CACNG2: variants seen among roughly 807,000 people sequenced by gnomAD.
CACNG2 encodes calcium voltage-gated channel auxiliary subunit gamma 2.
A neutral mutation model predicts 25.9 loss-of-function variants in CACNG2; 3 were observed. That is an observed-to-expected ratio of 0.12 (90% CI 0.05 to 0.30). The LOEUF (loss-of-function observed/expected upper bound fraction) is 0.30, where lower values mean the gene tolerates loss of function less well. Ranked by LOEUF, CACNG2 falls within the 10% of genes least tolerant of loss-of-function variation. CACNG2 has a pLI of 1.00. For synonymous variants in CACNG2, 167 were observed against 173.3 expected (o/e 0.96, Z 0.29); for missense variants, 341 against 432.5 (o/e 0.79, Z 1.88).
At chr22:36,650,754 A>T (rs1936598940) in intron 1 of CACNG2, among the ~76,000 whole-genome samples, 1 of 152,160 alleles carries the variant, frequency 6.6e-6, no homozygotes, top group South Asian at 2.1e-4. Flanking sequence ...TCCTGGCTTC[A>T]AGTGATCCTT....
chr22:36,574,396 G>T (rs1387073329), intron 2 of CACNG2, among the ~76,000 whole-genome samples: 1 of 152,170 alleles, frequency 6.6e-6, no homozygotes, highest in Non-Finnish European at 1.5e-5. Flanking sequence ...GGGTGGCGTT[G>T]AGGTTAACTT....
At chr22:36,576,790 G>T (rs952598774) in intron 2 of CACNG2, among the ~76,000 whole-genome samples, 1 of 152,178 alleles carries the variant, frequency 6.6e-6, no homozygotes, top group Non-Finnish European at 1.5e-5. Flanking sequence ...TCCCATCTGT[G>T]TGATGGGGAC....
chr22:36,691,910 G>C (rs758077766), intron 1 of CACNG2, among the ~76,000 whole-genome samples: 1 of 152,190 alleles, frequency 6.6e-6, no homozygotes, highest in Admixed American at 6.5e-5. Context: ...GAGGAAAATG[G>C]AGACAAGAGC....
At chr22:36,661,945 T>C (rs965408888) in intron 1 of CACNG2, among the ~76,000 whole-genome samples, 1 of 150,152 alleles carries the variant, frequency 6.7e-6, no homozygotes. Flanking sequence ...AGGTTCTGCT[T>C]CCTATGGACT....
At chr22:36,591,156 C>T (rs1350591586) in intron 1 of CACNG2, among the ~76,000 whole-genome samples, 1 of 152,004 alleles carries the variant, frequency 6.6e-6, no homozygotes, top group African/African-American at 2.4e-5. Context: ...CCTGCCTCAG[C>T]CTCCAGAGTA....
chr22:36,665,900 A>C (rs1467911216), intron 1 of CACNG2, among the ~76,000 whole-genome samples: 2 of 152,250 alleles, frequency 1.3e-5, no homozygotes, highest in Non-Finnish European at 2.9e-5. Flanking sequence ...CCTGGGTCTC[A>C]AGGAGATATT....
intron 1 of CACNG2, among the ~76,000 whole-genome samples, chr22:36,618,284 G>A (rs1201445832): frequency 6.6e-6 from 1 of 152,240 alleles, no homozygotes; most frequent in Non-Finnish European, 1.5e-5. Flanking sequence ...AGCCAAGTGT[G>A]CCTGCAGGGG....
At chr22:36,565,134 G>A (rs1216168623) in intron 3 of CACNG2, among the ~76,000 whole-genome samples, 1 of 152,234 alleles carries the variant, frequency 6.6e-6, no homozygotes, top group African/African-American at 2.4e-5. Flanking sequence ...GGCGGGAGAA[G>A]GGAGGCATTT....
chr22:36,564,311 G>A lies in CACNG2; in HGVS notation c.*40C>T, dbSNP rs1223770900. 7.9e-6 allele frequency: 12 copies of A among 1,519,060 alleles called. No individual in the cohort carries two copies. The highest frequency in any genetic ancestry group is 9.8e-6 in the Non-Finnish European group (11 of 1,122,598). The allele number at this position is 1,519,060 out of a possible 1,614,324, so 94.1% of individuals were successfully genotyped here. On this transcript the variant is annotated 3_prime_UTR_variant, in exon 4 of 4. Transcript: ENST00000300105. The surrounding 1 kb of genome is among the most constrained non-coding windows in gnomAD (Gnocchi z 6.7). ...CCGCCCCGCCCCGCCCCCGGGGACC[G>A]CGCCCTCCTCCCGCGGTCTTCTGGC...
Position 36,680,785 on chromosome 22 carries a change from C to T in CACNG2, c.211+21581G>A, listed in dbSNP as rs548380393. Among the ~76,000 whole-genome samples the T allele has an allele frequency of 1.0e-4, 15 of 146,786 alleles. No homozygotes were observed. The East Asian group carries it at 2.2e-3, about 22-fold the overall frequency. On this transcript the variant is annotated intron_variant, in intron 1 of 3. Transcript: ENST00000300105. ...TCATCACCACCATCTTTATCACAAC[C>T]GTTATTGTCACCATCAATCACCACC... is the stretch of plus-strand genomic sequence containing the variant.
chr22:36,564,665 C>A lies in CACNG2; in HGVS notation c.658G>T (p.Ala220Ser), dbSNP rs146183978. Residue 220 changes from alanine (A) to serine (S), a missense_variant, in exon 4 of 4, where the codon GCC becomes TCC. Around this residue, in one of 2 missense-constraint regions of CACNG2, gnomAD observed 172 missense variants for 178.1 expected, o/e 0.97. Coordinates refer to ENST00000300105, the MANE Select transcript of CACNG2 (RefSeq NM_006078.5). This position sits in a 1 kb window ranked among gnomAD's most constrained non-coding sequence, Gnocchi z 6.7. ...CTGGGGATGCGGGTGATGGCAGAGG[C>A]CTGGAGGTAGTCCGTGGCGCGGGCC... is the stretch of plus-strand genomic sequence containing the variant. ...ATARATDYLQ[A>S]SAITRIPSYR... 21 of 1,613,764 alleles carry A rather than the reference C, an allele frequency of 1.3e-5. No homozygotes were observed. The East Asian group carries it at 2.7e-4, about 21-fold the overall frequency.
intron 1 of CACNG2, among the ~76,000 whole-genome samples, chr22:36,647,392 T>A (rs1936542486): frequency 6.6e-6 from 1 of 152,108 alleles, no homozygotes; most frequent in African/African-American, 2.4e-5. Flanking sequence ...GGTCAAGAGT[T>A]TGAGACCAGC....
At chr22:36,587,381 G>A (rs2235682) in intron 2 of CACNG2, 84 bp downstream of exon 2, 260,733 of 988,282 alleles carry the variant, frequency 0.26, 36,183 homozygotes, top group Admixed American at 0.32. Context: ...GGGCCTCTAG[G>A]TAGGCCTGGT....
chr22:36,591,285 T>C (rs1603501046), intron 1 of CACNG2, among the ~76,000 whole-genome samples: 1 of 152,002 alleles, frequency 6.6e-6, no homozygotes, highest in East Asian at 1.9e-4. Flanking sequence ...TGCTTCGGCC[T>C]CCCAAAGTGC....
At chr22:36,630,368 T>C (rs1161011048) in intron 1 of CACNG2, among the ~76,000 whole-genome samples, 1 of 152,082 alleles carries the variant, frequency 6.6e-6, no homozygotes, top group African/African-American at 2.4e-5. Flanking sequence ...TTTGATGTCA[T>C]GGGTGAAGGG....
At chr22:36,699,833 T>G (rs1228638391) in intron 1 of CACNG2, among the ~76,000 whole-genome samples, 1 of 152,140 alleles carries the variant, frequency 6.6e-6, no homozygotes, top group Non-Finnish European at 1.5e-5. Context: ...ACAACTGAAC[T>G]TACAGCCTTT....
Position 36,653,360 on chromosome 22 carries a change from C to T in CACNG2, c.211+49006G>A, listed in dbSNP as rs118167910. ...AAGAAAACAAAAAACGGATGAGTTG[C>T]TAACATTGAAAAATTGGGAGATGTC... On this transcript the variant is annotated intron_variant, in intron 1 of 3. Coordinates refer to ENST00000300105, the MANE Select transcript of CACNG2 (RefSeq NM_006078.5). 4.0e-4 allele frequency among the ~76,000 whole-genome samples: 61 copies of T among 152,138 alleles called. No individual in the cohort carries two copies. In the East Asian group the frequency reaches 5.2e-3, roughly 13 times the overall value.
chr22:36,632,090 G>A (rs1237894733), intron 1 of CACNG2, among the ~76,000 whole-genome samples: 2 of 152,098 alleles, frequency 1.3e-5, no homozygotes, highest in African/African-American at 4.8e-5. Context: ...TGGAACCTCT[G>A]TATTTACAAC....
intron 1 of CACNG2, among the ~76,000 whole-genome samples, chr22:36,602,326 T>A (rs540808065): frequency 6.6e-6 from 1 of 152,152 alleles, no homozygotes; most frequent in Non-Finnish European, 1.5e-5. Flanking sequence ...GCCCTTTCAT[T>A]TTGTTGTTTG....
Sources: gnomAD v4.1 joint callset for allele counts (sites outside exome capture counted in the v4.1 genomes callset) on GRCh38, gnomAD v4.1.1 for gene constraint, gnomAD v4.1.1 regional missense constraint, Gnocchi (gnomAD v3.1) non-coding constraint, MANE v1.5 for transcripts, NCBI Gene and HGNC (gene_info 2026-07-23, HGNC 2026-07-21) for gene names.